Variants in TRHDE observed in about 807,000 individuals in gnomAD.
TRHDE encodes thyrotropin-releasing hormone-degrading ectoenzyme.
A neutral mutation model predicts 125.7 loss-of-function variants in TRHDE; 72 were observed. The ratio of observed to expected loss-of-function variants is 0.57; its 90% CI spans 0.47 to 0.70. The LOEUF is 0.70. Among genes scored for constraint, TRHDE ranks in the 30% least tolerant of loss-of-function variants. TRHDE has a pLI of 0.00. For missense variants in TRHDE, 1,110 were observed against 1,327.1 expected (o/e 0.84, Z 2.54); for synonymous variants, 509 against 509.1 (o/e 1.00, Z 0.00).
intron 15 of TRHDE, among the ~76,000 whole-genome samples, chr12:72,623,314 A>T (rs1164711495): frequency 6.6e-6 from 1 of 151,726 alleles, no homozygotes; most frequent in Admixed American, 6.6e-5. Flanking sequence ...CCTTTTTCAG[A>T]GCTGATTATT....
chr12:72,488,419 T>C (rs1458492896), intron 5 of TRHDE, among the ~76,000 whole-genome samples: 1 of 152,048 alleles, frequency 6.6e-6, no homozygotes, highest in Non-Finnish European at 1.5e-5. Context: ...GCAAAGATGG[T>C]TATTACTTAA....
chr12:72,232,271 A>C (rs979262706), intron 2 of TRHDE, among the ~76,000 whole-genome samples: 3 of 152,172 alleles, frequency 2.0e-5, no homozygotes, highest in African/African-American at 7.2e-5. Context: ...GCTGCTCAGC[A>C]GTCTTCGGAT....
At chr12:72,269,446 G>A (rs1244017251), upstream of TRHDE, among the ~76,000 whole-genome samples, 7 of 152,122 alleles carry the variant, frequency 4.6e-5, no homozygotes, top group Admixed American at 4.6e-4. Flanking sequence ...ATCACAGTTA[G>A]TAGAGACTTT....
At chr12:72,291,437 C>T (rs1027991473) in intron 2 of TRHDE, among the ~76,000 whole-genome samples, 7 of 152,216 alleles carry the variant, frequency 4.6e-5, no homozygotes, top group Non-Finnish European at 1.0e-4. Flanking sequence ...GCATTTGGCC[C>T]CACCCTTTGG....
intron 12 of TRHDE, among the ~76,000 whole-genome samples, chr12:72,608,303 G>A (rs1592569363): frequency 6.6e-6 from 1 of 152,088 alleles, no homozygotes; most frequent in Non-Finnish European, 1.5e-5. Context: ...GAGATGGAAA[G>A]TATTTCTTTG....
At chr12:72,093,920 G>T (rs1278423378) in intron 1 of TRHDE, among the ~76,000 whole-genome samples, 1 of 152,140 alleles carries the variant, frequency 6.6e-6, no homozygotes, top group Non-Finnish European at 1.5e-5. Context: ...CCTTGCATTG[G>T]TATCTGTATT....
chr12:72,284,165 A>C (rs563293598), intron 1 of TRHDE, among the ~76,000 whole-genome samples: 1 of 152,242 alleles, frequency 6.6e-6, no homozygotes, highest in East Asian at 1.9e-4. Context: ...TACATAATGC[A>C]AATATTCCAA....
chr12:72,324,851 T>G (rs1046945869), intron 2 of TRHDE, among the ~76,000 whole-genome samples: 1 of 152,172 alleles, frequency 6.6e-6, no homozygotes, highest in African/African-American at 2.4e-5. Flanking sequence ...ATAGAACTCC[T>G]TAATGGATAA....
chr12:72,386,443 C>A (rs531274563), intron 3 of TRHDE, among the ~76,000 whole-genome samples: 1 of 152,174 alleles, frequency 6.6e-6, no homozygotes, highest in African/African-American at 2.4e-5. Context: ...GCACCTCATC[C>A]CATCCTTTCT....
At chr12:72,481,529 G>C (rs753802723) in intron 5 of TRHDE, among the ~76,000 whole-genome samples, 4 of 150,524 alleles carry the variant, frequency 2.7e-5, no homozygotes, top group Non-Finnish European at 5.9e-5. Flanking sequence ...AGACCTGTCA[G>C]TACCTGGAGA....
chr12:72,604,129 C>T (rs984415333), intron 12 of TRHDE, among the ~76,000 whole-genome samples: 2 of 152,030 alleles, frequency 1.3e-5, no homozygotes, highest in Non-Finnish European at 1.5e-5. Flanking sequence ...TAACAAAAGT[C>T]CAGAGAGGAT....
At chr12:72,431,336 T>A (rs372247109) in intron 3 of TRHDE, among the ~76,000 whole-genome samples, 15 of 152,182 alleles carry the variant, frequency 9.9e-5, no homozygotes, top group African/African-American at 3.1e-4. Context: ...TAGTTGCTGT[T>A]AATAAGAAAT....
intron 2 of TRHDE, among the ~76,000 whole-genome samples, chr12:72,149,144 T>A (rs1272268577): frequency 2.0e-5 from 3 of 152,128 alleles, no homozygotes; most frequent in Non-Finnish European, 4.4e-5. Context: ...GTTCTTTGAG[T>A]TTAGATTAGA....
intron 2 of TRHDE, among the ~76,000 whole-genome samples, chr12:72,115,490 A>T (rs1875422738): frequency 6.6e-6 from 1 of 152,118 alleles, no homozygotes; most frequent in Admixed American, 6.6e-5. Flanking sequence ...GGCTATTGTG[A>T]ATAGTGCTAC....
chr12:72,335,956 TA>T (rs1869812635), intron 2 of TRHDE, among the ~76,000 whole-genome samples: 2 of 152,256 alleles, frequency 1.3e-5, no homozygotes, highest in South Asian at 4.1e-4. Flanking sequence ...TTTAACACAT[TA>T]AAAAAAGTAA....
At chr12:72,377,953 T>C (rs1206071413) in intron 2 of TRHDE, 42 bp from the exon 3 acceptor site, 2 of 1,415,632 alleles carry the variant, frequency 1.4e-6, no homozygotes, top group Admixed American at 5.1e-5. Flanking sequence ...AAAACTCAAG[T>C]GCTAAAAGGC....
At chr12:72,316,433 A>G (rs1868806125) in intron 2 of TRHDE, among the ~76,000 whole-genome samples, 1 of 152,116 alleles carries the variant, frequency 6.6e-6, no homozygotes. Context: ...TCATATGCTT[A>G]TGTCCCAGCG....
At chr12:72,490,918 TATAA>T (rs1439129099) in intron 5 of TRHDE, among the ~76,000 whole-genome samples, 3 of 150,220 alleles carry the variant, frequency 2.0e-5, no homozygotes, top group South Asian at 4.2e-4. Context: ...ATATGAGGAC[TATAA>T]ATAATAAAAT....
intron 3 of TRHDE, 50 bp from the exon 4 acceptor site, chr12:72,469,708 A>G: frequency 6.4e-7 from 1 of 1,567,484 alleles, no homozygotes. Context: ...ATAAATTCAG[A>G]ATCTGGTGTC....
Sources: gnomAD v4.1 joint callset for allele counts (sites outside exome capture counted in the v4.1 genomes callset) on GRCh38, gnomAD v4.1.1 for gene constraint, MANE v1.5 for transcripts, NCBI Gene and HGNC (gene_info 2026-07-23, HGNC 2026-07-21) for gene names.